Variants in R3HDM4 observed in about 807,000 individuals in gnomAD.
R3HDM4 encodes R3H domain-containing protein 4.
A neutral mutation model predicts 31.3 loss-of-function variants in R3HDM4; 30 were observed. The ratio of observed to expected loss-of-function variants is 0.96; its 90% CI spans 0.72 to 1.30. R3HDM4 has a LOEUF of 1.30. Among genes scored for constraint, R3HDM4 ranks in the 50% most tolerant of loss-of-function variants. R3HDM4 has a pLI of 0.00. For synonymous variants in R3HDM4, 196 were observed against 156.6 expected, an observed-to-expected ratio of 1.25 and a Z score of -1.88; for missense variants, 444 against 366.1, an observed-to-expected ratio of 1.21 and a Z score of -1.74.
chr19:900,911 C>A lies in R3HDM4; in HGVS notation c.393G>T (p.Glu131Asp), dbSNP rs997331075. The A allele has an allele frequency of 1.9e-6, 3 of 1,608,774 alleles. No homozygotes were observed. The highest frequency in any genetic ancestry group is 2.2e-5 in the South Asian group (2 of 90,518). The change falls in exon 4 of 8, where the codon GAG (glutamate) becomes GAT (aspartate). Residue 131 changes from glutamate to aspartate, a missense_variant. Transcript: ENST00000361574. ...DFMNRSGEEQERVLRYLEDEG... is the reference protein window; with the variant it reads ...DFMNRSGEEQDRVLRYLEDEG... The stretch of plus-strand genomic sequence containing the variant: ...CATCCTCCAGGTAGCGAAGAACCCG[C>A]TCCTGCTCCTCCCCGGAGCGGTTCA...
intron 1 of R3HDM4, among the ~76,000 whole-genome samples, chr19:905,733 T>C (rs2036895776): frequency 6.7e-6 from 1 of 150,294 alleles, no homozygotes; most frequent in African/African-American, 2.4e-5. Flanking sequence ...CAGGGCTGCC[T>C]GAAGCAGGAA....
At chr19:900,531 C>G (rs546867743) in intron 4 of R3HDM4, among the ~76,000 whole-genome samples, 2 of 151,772 alleles carry the variant, frequency 1.3e-5, no homozygotes, top group East Asian at 3.9e-4. Flanking sequence ...CCTGGCCCCA[C>G]ACACCCCATT....
Position 901,434 on chromosome 19 carries a change from G to A in R3HDM4, c.339C>T (p.Ala113=), listed in dbSNP as rs1410401952. ...TTGGGGGCCACACCTCCACATAGGT[G>A]GCGTTGTTGCAGGCCTCGGCAAAGA... ...PGIFAEACNN[A]TYVEVWNDFM... Residue 113 remains alanine, a synonymous_variant, in exon 3 of 8, where the codon GCC becomes GCT. Transcript: ENST00000361574. 3 of 1,607,138 alleles carry A rather than the reference G, an allele frequency of 1.9e-6. No homozygotes were observed.
At position 902,043 on chromosome 19, in the gene R3HDM4, C is replaced by G. The variant is rs891278768; in HGVS notation, c.159G>C (p.Gln53His). Reference sequence around the variant, plus strand: ...GCACGAGGTCTGAGTTCCGCACTGCCTGGTTGATGAAGTGCTGTTTCCGCC... The same window carrying G: ...GCACGAGGTCTGAGTTCCGCACTGCGTGGTTGATGAAGTGCTGTTTCCGCC... ...ASRRKQHFIN[Q>H]AVRNSDLVPK... Residue 53 changes from glutamine (Q) to histidine (H), a missense_variant, in exon 2 of 8, where the codon CAG becomes CAC. Physicochemically the swap from Gln to His is conservative, Grantham distance 24. Transcript: ENST00000361574. The G allele has an allele frequency of 6.2e-7, 1 of 1,613,956 alleles. No individual in the cohort carries two copies. The highest frequency in any genetic ancestry group is 2.2e-5 in the East Asian group (1 of 44,888).
At chr19:900,556 C>T (rs1206412524) in intron 4 of R3HDM4, among the ~76,000 whole-genome samples, 1 of 151,302 alleles carries the variant, frequency 6.6e-6, no homozygotes, top group African/African-American at 2.4e-5. Flanking sequence ...TGTCCCCATC[C>T]ATACCCTGGC....
Position 899,705 on chromosome 19 carries a change from T to TG in R3HDM4, c.562-20dup. 1 of 1,547,642 alleles carries TG rather than the reference T, an allele frequency of 6.5e-7. No homozygotes were observed. Among genetic ancestry groups the TG allele is most frequent in the South Asian group, 1.2e-5 (1 of 83,882 alleles). ...GCGTTTCCTGGGGAGAGCGGCCCGG[T>TG]GGTCAGGGAACTGCGGGACCTGTGG... On this transcript the variant is annotated intron_variant, in intron 5 of 7. Transcript: ENST00000361574. The surrounding 1 kb of genome is among the most constrained non-coding windows in gnomAD (Gnocchi z 6.8).
At chr19:911,430 C>T (rs1054107459) in intron 1 of R3HDM4, among the ~76,000 whole-genome samples, 15 of 152,304 alleles carry the variant, frequency 9.8e-5, no homozygotes, top group Non-Finnish European at 1.8e-4. Flanking sequence ...GGCGATAGAG[C>T]GAGACTCCGT....
At chr19:902,241 C>T (rs1483535665) in intron 1 of R3HDM4, 111 bp from the exon 2 acceptor site, 3 of 1,224,488 alleles carry the variant, frequency 2.4e-6, no homozygotes, top group South Asian at 2.6e-5. Context: ...GGAGAGCTCA[C>T]CCCTACGGTG....
chr19:901,180 C>T (rs2036831712), intron 3 of R3HDM4: 1 of 667,582 alleles, frequency 1.5e-6, no homozygotes, highest in Non-Finnish European at 2.5e-6. Flanking sequence ...GTGAAACACT[C>T]CTGCAATCGT....
chr19:899,314 C>T lies in R3HDM4; in HGVS notation c.703+126G>A, dbSNP rs1299757819. On this transcript the variant is annotated intron_variant, in intron 7 of 7. Coordinates refer to ENST00000361574, the MANE Select transcript of R3HDM4 (RefSeq NM_138774.4). This position sits in a 1 kb window ranked among gnomAD's most constrained non-coding sequence, Gnocchi z 6.8. ...CTGCCACCCCTGAGTTCGTAGCGTCCCCACTCCAGCCCCCTTCCCCACCTC... is the reference window on the plus strand; with the variant it reads ...CTGCCACCCCTGAGTTCGTAGCGTCTCCACTCCAGCCCCCTTCCCCACCTC... The T allele has an allele frequency of 1.0e-6, 1 of 960,046 alleles. No homozygotes were observed. Among genetic ancestry groups the T allele is most frequent in the East Asian group, 2.5e-5 (1 of 39,418 alleles). 59.5% of individuals were successfully genotyped at this position (960,046 alleles called of 1,614,324 possible).
chr19:901,613 C>T, intron 2 of R3HDM4, 67 bp from the exon 3 acceptor site: 1 of 1,556,404 alleles, frequency 6.4e-7, no homozygotes, highest in South Asian at 1.1e-5. Context: ...CATGGGGACC[C>T]AAGAACTAGC....
At chr19:903,687 T>G (rs1467578539) in intron 1 of R3HDM4, among the ~76,000 whole-genome samples, 1 of 152,102 alleles carries the variant, frequency 6.6e-6, no homozygotes, top group Non-Finnish European at 1.5e-5. Flanking sequence ...CCTGGGGAGT[T>G]TGAGGCTGCG....
chr19:906,460 C>T (rs8103189), intron 1 of R3HDM4, among the ~76,000 whole-genome samples: 5,628 of 152,166 alleles, frequency 0.037, 357 homozygotes, highest in African/African-American at 0.13. Flanking sequence ...CCTCGTGATC[C>T]GCTCACCTTG....
intron 1 of R3HDM4, among the ~76,000 whole-genome samples, chr19:908,979 T>G (rs769788211): frequency 6.2e-4 from 94 of 152,382 alleles, no homozygotes; most frequent in Non-Finnish European, 8.4e-4. Context: ...ACTAAACTTC[T>G]GTTGACACAC....
intron 1 of R3HDM4, among the ~76,000 whole-genome samples, chr19:902,875 G>A (rs559289445): frequency 1.1e-4 from 16 of 152,232 alleles, no homozygotes; most frequent in African/African-American, 3.9e-4. Flanking sequence ...CCGGGAGGCA[G>A]ATGCTCCAGT....
chr19:900,899 G>A lies in R3HDM4; in HGVS notation c.405C>T (p.Arg135=). ...TGCTCCTGCCCTCATCCTCCAGGTAGCGAAGAACCCGCTCCTGCTCCTCCC... is the reference window on the plus strand; with the variant it reads ...TGCTCCTGCCCTCATCCTCCAGGTAACGAAGAACCCGCTCCTGCTCCTCCC... The part of the protein sequence containing the change: ...RSGEEQERVL[R]YLEDEGRSKA... The change falls in exon 4 of 8, where the codon CGC becomes CGT. Residue 135 remains arginine, a synonymous_variant. Coordinates refer to ENST00000361574, the MANE Select transcript of R3HDM4 (RefSeq NM_138774.4). The A allele has an allele frequency of 3.1e-6, 5 of 1,604,540 alleles. No homozygotes were observed. Among genetic ancestry groups the A allele is most frequent in the South Asian group, 1.1e-5 (1 of 89,564 alleles).
intron 1 of R3HDM4, among the ~76,000 whole-genome samples, chr19:908,195 AAAAAACAAAAAC>A (rs554620430): frequency 6.6e-6 from 1 of 151,978 alleles, no homozygotes. Context: ...CTGTCTCCCA[AAAAAACAAAAAC>A]AAAAACAAAA....
At chr19:908,329 G>A (rs754283053) in intron 1 of R3HDM4, among the ~76,000 whole-genome samples, 7 of 151,818 alleles carry the variant, frequency 4.6e-5, no homozygotes, top group South Asian at 2.1e-4. Context: ...ATGCCTGGCC[G>A]GGCGCAGTGG....
At position 901,959 on chromosome 19, in the gene R3HDM4, T is replaced by C; in HGVS notation, c.226+17A>G. 6.2e-7 allele frequency: 1 copy of C among 1,613,004 alleles called. No individual in the cohort carries two copies. Among genetic ancestry groups the C allele is most frequent in the Non-Finnish European group, 8.5e-7 (1 of 1,179,924 alleles). The stretch of plus-strand genomic sequence containing the variant: ...GGCCCAGGAGCCCCCAGGAGGCGCC[T>C]CCCGACCCCTGCTCACTGTTCTCCA... On this transcript the variant is annotated intron_variant, in intron 2 of 7. Transcript: ENST00000361574.
Sources: gnomAD v4.1 joint callset for allele counts (sites outside exome capture counted in the v4.1 genomes callset) on GRCh38, gnomAD v4.1.1 for gene constraint, Gnocchi (gnomAD v3.1) non-coding constraint, MANE v1.5 for transcripts, NCBI Gene and HGNC (gene_info 2026-07-23, HGNC 2026-07-21) for gene names.